The following CEP63 variants were observed in gnomAD, a reference collection of about 807,000 sequenced individuals.
CEP63 encodes centrosomal protein 63.
In CEP63, 84 loss-of-function variants were observed where a neutral mutation model predicts 89.1. The observed-to-expected ratio is 0.94, with a 90% CI of 0.79 to 1.13. CEP63 has a LOEUF of 1.13. Ranked by LOEUF, CEP63 falls within the 50% of genes most tolerant of loss-of-function variation. CEP63 has a pLI of 0.00. For synonymous variants in CEP63, 267 were observed against 272.5 expected, an observed-to-expected ratio of 0.98 and a Z score of 0.20; for missense variants, 838 against 813.3, an observed-to-expected ratio of 1.03 and a Z score of -0.37.
rs145063097 is a variant in CEP63 at position 134,541,118 on chromosome 3, A to G, written c.555+3850A>G. On this transcript the variant is annotated intron_variant, in intron 6 of 14. Coordinates refer to ENST00000675561, the MANE Select transcript of CEP63 (RefSeq NM_001353108.3). Reference sequence around the variant, plus strand: ...TTTTACTATTCTGAAAGAGCTTTCCATACACTTAAGTATGAAATATAAGCC... The same window carrying G: ...TTTTACTATTCTGAAAGAGCTTTCCGTACACTTAAGTATGAAATATAAGCC... 1.5e-3 allele frequency among the ~76,000 whole-genome samples: 235 copies of G among 152,236 alleles called. 2 individuals carry two copies. Among genetic ancestry groups the G allele is most frequent in the Non-Finnish European group, 2.7e-3 (185 of 68,020 alleles).
At chr3:134,528,944 CTCTTT>C (rs1053217226) in intron 3 of CEP63, among the ~76,000 whole-genome samples, 16 of 152,244 alleles carry the variant, frequency 1.1e-4, no homozygotes, top group African/African-American at 3.9e-4. Context: ...TAGGGTCAGC[CTCTTT>C]TCTTTTCTTT....
chr3:134,551,549 G>A (rs1954822283), intron 11 of CEP63, among the ~76,000 whole-genome samples: 1 of 151,998 alleles, frequency 6.6e-6, no homozygotes, highest in Admixed American at 6.6e-5. Context: ...ATGTGACGTT[G>A]CAGGTAGAAG....
chr3:134,537,188 C>T lies in CEP63; in HGVS notation c.475C>T (p.Gln159Ter), dbSNP rs745713518. 1 of 1,613,802 alleles carries T rather than the reference C, an allele frequency of 6.2e-7. No homozygotes were observed. The highest frequency in any genetic ancestry group is 1.1e-5 in the South Asian group (1 of 91,080). The change falls in exon 6 of 15, where the codon CAA becomes TAA. Residue 159 changes from glutamine to a stop codon, truncating the protein, a stop_gained. Transcript: ENST00000675561. LOFTEE classifies it high-confidence loss of function. ...FRQKSLDWEK[Q>*]RLIYQQQVSS... is the part of the protein sequence containing the mutation. ...TCAGAAATCGCTGGACTGGGAGAAGCAACGCTTGATTTATCAGCAACAGGT... is the reference window on the plus strand; with the variant it reads ...TCAGAAATCGCTGGACTGGGAGAAGTAACGCTTGATTTATCAGCAACAGGT...
the CEP63 span, among the ~76,000 whole-genome samples, chr3:134,675,630 A>G: frequency 5.3e-5 from 8 of 152,354 alleles, no homozygotes; most frequent in South Asian, 1.7e-3. Context: ...TTAAAGTCAT[A>G]TGCCTCATCA....
chr3:134,614,138 C>G, the CEP63 span, among the ~76,000 whole-genome samples: 2 of 152,128 alleles, frequency 1.3e-5, no homozygotes, highest in African/African-American at 4.8e-5. Flanking sequence ...AGTCTATAAG[C>G]AAAGACCTGG....
intron 6 of CEP63, among the ~76,000 whole-genome samples, chr3:134,543,440 G>T (rs2109476232): frequency 6.6e-6 from 1 of 152,270 alleles, no homozygotes. Context: ...GTATTTTTGT[G>T]TGACCAAAAT....
At chr3:134,649,110 T>C in the CEP63 span, among the ~76,000 whole-genome samples, 36 of 152,134 alleles carry the variant, frequency 2.4e-4, no homozygotes, top group Admixed American at 7.2e-4. Flanking sequence ...TTCTCTGCTC[T>C]GGTTGTGAAT....
At chr3:134,644,108 A>G in the CEP63 span, among the ~76,000 whole-genome samples, 2 of 152,160 alleles carry the variant, frequency 1.3e-5, no homozygotes, top group Admixed American at 1.3e-4. Flanking sequence ...TATAGGCGTG[A>G]GCCACCGCGC....
At chr3:134,526,389 T>C (rs1185492271) in intron 3 of CEP63, among the ~76,000 whole-genome samples, 1 of 152,110 alleles carries the variant, frequency 6.6e-6, no homozygotes, top group Admixed American at 6.5e-5. Context: ...TTGGTCTGTT[T>C]TGCTATTATT....
chr3:134,650,817 C>T, the CEP63 span: 2 of 1,573,402 alleles, frequency 1.3e-6, no homozygotes, highest in African/African-American at 1.4e-5. Context: ...GGGTCGGGCG[C>T]GCGTTACCTC....
chr3:134,772,591 A>G, the CEP63 span, among the ~76,000 whole-genome samples: 1 of 151,258 alleles, frequency 6.6e-6, no homozygotes. Flanking sequence ...TGTATCTAGG[A>G]CTCAGACCCC....
chr3:134,485,952 C>T (rs190969508), upstream of CEP63: 60 of 982,250 alleles, frequency 6.1e-5, no homozygotes, highest in Admixed American at 5.0e-4. Flanking sequence ...AAACCCTTAC[C>T]GGCACCCGGC....
the CEP63 span, among the ~76,000 whole-genome samples, chr3:134,712,539 T>C: frequency 2.0e-5 from 3 of 152,196 alleles, no homozygotes; most frequent in African/African-American, 7.2e-5. Context: ...TATTCTTATT[T>C]GCATATGAAA....
chr3:134,552,082 A>G (rs1954998336), intron 12 of CEP63, 70 bp downstream of exon 12: 3 of 828,838 alleles, frequency 3.6e-6, no homozygotes, highest in Admixed American at 2.0e-5. Flanking sequence ...AAATATTTAC[A>G]TTATAAAGAG....
chr3:134,584,960 T>TTTTTTTTTGTTTTG (rs1958449388), intron 10 of CEP63, among the ~76,000 whole-genome samples: 2 of 18,398 alleles, frequency 1.1e-4, no homozygotes, highest in African/African-American at 2.4e-4. Context: ...TCTAGGGTTT[T>TTTTTTTTTGTTTTG]TTTTTTTTTT....
At chr3:134,645,863 T>C in the CEP63 span, among the ~76,000 whole-genome samples, 1 of 152,238 alleles carries the variant, frequency 6.6e-6, no homozygotes, top group Non-Finnish European at 1.5e-5. Context: ...CTTTGTGTTT[T>C]GTGATATTTT....
intron 2 of CEP63, among the ~76,000 whole-genome samples, chr3:134,498,728 C>T (rs1413761126): frequency 6.6e-6 from 1 of 151,982 alleles, no homozygotes; most frequent in African/African-American, 2.4e-5. Context: ...GAGGTATGTT[C>T]CTTCTATGCT....
At chr3:134,613,603 G>A in the CEP63 span, among the ~76,000 whole-genome samples, 1 of 152,208 alleles carries the variant, frequency 6.6e-6, no homozygotes, top group Non-Finnish European at 1.5e-5. Context: ...ATTCTTCTCT[G>A]ACAGGCTGAG....
In CEP63 at chr3:134,510,253, G is replaced by A. The variant is rs114233834; in HGVS notation, c.222+2967G>A. On this transcript the variant is annotated intron_variant, in intron 3 of 14. Coordinates refer to ENST00000675561, the MANE Select transcript of CEP63 (RefSeq NM_001353108.3). Reference sequence around the variant, plus strand: ...TTGAAGTCATTTCCATTTTAGAAGCGTACTATAAATGACTTTTTCTATGTA... The same window carrying A: ...TTGAAGTCATTTCCATTTTAGAAGCATACTATAAATGACTTTTTCTATGTA... 3.3e-3 allele frequency among the ~76,000 whole-genome samples: 506 copies of A among 152,284 alleles called. 7 individuals are homozygous for A. Among genetic ancestry groups the A allele is most frequent in the African/African-American group, 0.012 (487 of 41,548 alleles).
Sources: allele counts gnomAD v4.1 joint callset (sites outside exome capture counted in the v4.1 genomes callset), GRCh38; gene constraint gnomAD v4.1.1; transcripts MANE v1.5; gene names NCBI Gene and HGNC (gene_info 2026-07-23, HGNC 2026-07-21).